AFAP1L1: variants seen among roughly 807,000 people sequenced by gnomAD.
The protein encoded by AFAP1L1 is actin filament associated protein 1 like 1.
A neutral mutation model predicts 99.8 loss-of-function variants in AFAP1L1; 77 were observed. That is an observed-to-expected ratio of 0.77 (90% CI 0.64 to 0.93). AFAP1L1 has a LOEUF of 0.93. Among genes scored for constraint, AFAP1L1 ranks in the 40% least tolerant of loss-of-function variants. The pLI, the probability that AFAP1L1 is intolerant of heterozygous loss-of-function variation, is 0.00. For missense variants in AFAP1L1, 893 were observed against 996.8 expected (o/e 0.90, Z 1.40); for synonymous variants, 373 against 395.3 (o/e 0.94, Z 0.67).
rs759445701 is a variant in AFAP1L1, at chr5:149,329,850, C to T, written c.1975+20C>T. 2 of 1,586,964 alleles carry T rather than the reference C, an allele frequency of 1.3e-6. No homozygotes were observed. Among genetic ancestry groups the T allele is most frequent in the Admixed American group, 1.8e-5 (1 of 54,968 alleles). The stretch of plus-strand genomic sequence containing the variant: ...GCCCAGGTACCTATGTGGGTGTGGT[C>T]CTGAGCACCTATGGGTGGCCAGCTC... On this transcript the variant is annotated intron_variant, in intron 16 of 18. Transcript: ENST00000296721.
At position 149,310,021 on chromosome 5, in the gene AFAP1L1, C is replaced by G; in HGVS notation, c.813C>G (p.Ile271Met). Residue 271 changes from isoleucine (I) to methionine (M), a missense_variant, in exon 8 of 19, where the codon ATC becomes ATG. Coordinates refer to ENST00000296721, the MANE Select transcript of AFAP1L1 (RefSeq NM_152406.4). ...LRLALDTCSIIYVPKDSRHKR... is the reference protein window; with the variant it reads ...LRLALDTCSIMYVPKDSRHKR... ...TGGCACTGGATACCTGCAGCATCAT[C>G]TACGTGCCCAAGGACAGCCGGCACA... 6.2e-7 allele frequency: 1 copy of G among 1,614,242 alleles called. No homozygotes were observed. Among genetic ancestry groups the G allele is most frequent in the Non-Finnish European group, 8.5e-7 (1 of 1,180,048 alleles).
intron 17 of AFAP1L1, among the ~76,000 whole-genome samples, chr5:149,334,740 CAT>C (rs1757353817): frequency 6.6e-6 from 1 of 152,014 alleles, no homozygotes. Context: ...GGTGAAACCC[CAT>C]CTCTACTAAA....
chr5:149,303,198 T>TA (rs1225292140), intron 5 of AFAP1L1, among the ~76,000 whole-genome samples: 1 of 152,162 alleles, frequency 6.6e-6, no homozygotes, highest in African/African-American at 2.4e-5. Context: ...TATACATATA[T>TA]AACATAGAAA....
Position 149,340,106 on chromosome 5 carries a change from G to C in AFAP1L1, c.*76G>C. ...GGAAGAAATGCTTTTTTCACAAGGA[G>C]ACACCAAGAGAAGACTAGGAAGTAG... On this transcript the variant is annotated 3_prime_UTR_variant, in exon 19 of 19. Coordinates refer to ENST00000296721, the MANE Select transcript of AFAP1L1 (RefSeq NM_152406.4). 1.3e-6 allele frequency: 2 copies of C among 1,566,806 alleles called. No homozygotes were observed. The highest frequency in any genetic ancestry group is 1.8e-6 in the Non-Finnish European group (2 of 1,140,928).
chr5:149,309,826 GC>G, intron 7 of AFAP1L1, 129 bp from the exon 8 acceptor site: 1 of 1,125,510 alleles, frequency 8.9e-7, no homozygotes, highest in Non-Finnish European at 1.3e-6. Context: ...CTCACACAGT[GC>G]CCATGGCTAG....
intron 1 of AFAP1L1, among the ~76,000 whole-genome samples, chr5:149,274,782 G>A (rs1428655250): frequency 2.6e-5 from 4 of 151,248 alleles, no homozygotes; most frequent in Admixed American, 6.6e-5. Context: ...GAGAGGCTGC[G>A]ACAGGAGAGG....
At chr5:149,315,438 G>A (rs1756765043) in intron 9 of AFAP1L1, among the ~76,000 whole-genome samples, 1 of 152,130 alleles carries the variant, frequency 6.6e-6, no homozygotes, top group Non-Finnish European at 1.5e-5. Context: ...AGTCTTGTCT[G>A]CTTTTGTCTG....
rs763014850 is a variant in AFAP1L1, at chr5:149,329,707, G to C, written c.1852G>C (p.Asp618His). 1.2e-6 allele frequency: 2 copies of C among 1,614,150 alleles called. No homozygotes were observed. The highest frequency in any genetic ancestry group is 1.3e-5 in the African/African-American group (1 of 75,044). The change falls in exon 16 of 19, where the codon GAT becomes CAT. Residue 618 changes from aspartate to histidine, a missense_variant. Asp to His is a moderately conservative substitution (Grantham distance 81). Coordinates refer to ENST00000296721, the MANE Select transcript of AFAP1L1 (RefSeq NM_152406.4). ...GTATGGCAAGAACCGAGCCGAGGAG[G>C]ATGCCCGGAGGTACTTGGTAGAAAA... The part of the protein sequence containing the change: ...YKYGKNRAEE[D>H]ARRYLVEKEK...
chr5:149,277,867 G>A (rs1024133091), intron 1 of AFAP1L1, among the ~76,000 whole-genome samples: 4 of 152,144 alleles, frequency 2.6e-5, no homozygotes, highest in Admixed American at 6.5e-5. Flanking sequence ...ATACGGGGCC[G>A]TATGACTTAA....
intron 1 of AFAP1L1, among the ~76,000 whole-genome samples, chr5:149,290,960 A>G (rs1033851048): frequency 6.6e-6 from 1 of 152,262 alleles, no homozygotes; most frequent in Non-Finnish European, 1.5e-5. Context: ...GGGGAAAGTG[A>G]CCATCATCAA....
intron 9 of AFAP1L1, among the ~76,000 whole-genome samples, chr5:149,314,262 C>T (rs770456406): frequency 6.6e-6 from 1 of 152,154 alleles, no homozygotes; most frequent in Non-Finnish European, 1.5e-5. Context: ...GGGAAAGCAG[C>T]GTTGACAGTG....
intron 15 of AFAP1L1, among the ~76,000 whole-genome samples, chr5:149,323,013 T>C (rs1757000390): frequency 1.3e-5 from 2 of 152,094 alleles, no homozygotes; most frequent in South Asian, 2.1e-4. Flanking sequence ...CTCCAGCAGA[T>C]GATCCCTATG....
chr5:149,314,375 G>T (rs1756734041), intron 9 of AFAP1L1, among the ~76,000 whole-genome samples: 1 of 152,176 alleles, frequency 6.6e-6, no homozygotes, highest in Non-Finnish European at 1.5e-5. Flanking sequence ...TTGCAGAGTT[G>T]AGCTTTCCTG....
intron 9 of AFAP1L1, among the ~76,000 whole-genome samples, chr5:149,312,993 G>A (rs764282413): frequency 3.3e-5 from 5 of 152,072 alleles, no homozygotes; most frequent in Non-Finnish European, 7.4e-5. Flanking sequence ...CAGGCATGGT[G>A]GCACATGCCT....
chr5:149,279,393 C>G (rs920019686), intron 1 of AFAP1L1, among the ~76,000 whole-genome samples: 1 of 152,224 alleles, frequency 6.6e-6, no homozygotes, highest in South Asian at 2.1e-4. Context: ...AAGGACTACT[C>G]TCACGTAAAA....
At chr5:149,325,597 G>C (rs1292923478) in intron 15 of AFAP1L1, among the ~76,000 whole-genome samples, 1 of 152,200 alleles carries the variant, frequency 6.6e-6, no homozygotes, top group African/African-American at 2.4e-5. Flanking sequence ...GTAGACCAGA[G>C]GTTACTGCCC....
At chr5:149,326,106 A>G (rs1757087997) in intron 15 of AFAP1L1, among the ~76,000 whole-genome samples, 1 of 152,242 alleles carries the variant, frequency 6.6e-6, no homozygotes, top group Non-Finnish European at 1.5e-5. Context: ...CCTCGAAAGA[A>G]CTGACTTTAG....
intron 9 of AFAP1L1, among the ~76,000 whole-genome samples, chr5:149,314,228 G>C (rs1245338563): frequency 6.6e-6 from 1 of 152,214 alleles, no homozygotes; most frequent in African/African-American, 2.4e-5. Context: ...TCCTCACTTA[G>C]CCTTTGCCAT....
chr5:149,312,215 C>T lies in AFAP1L1; in HGVS notation c.1020+11C>T. Reference sequence around the variant, plus strand: ...TTGGACCTGGACAAGGTATATCTGTCTCCACTAAGTCTTCCCCAGGCCAGG... The same window carrying T: ...TTGGACCTGGACAAGGTATATCTGTTTCCACTAAGTCTTCCCCAGGCCAGG... On this transcript the variant is annotated intron_variant, in intron 9 of 18. Coordinates refer to ENST00000296721, the MANE Select transcript of AFAP1L1 (RefSeq NM_152406.4). 6.2e-7 allele frequency: 1 copy of T among 1,613,306 alleles called. No individual in the cohort carries two copies. Among genetic ancestry groups the T allele is most frequent in the East Asian group, 2.2e-5 (1 of 44,888 alleles).
Sources: allele counts gnomAD v4.1 joint callset (sites outside exome capture counted in the v4.1 genomes callset), GRCh38; gene constraint gnomAD v4.1.1; transcripts MANE v1.5; gene names NCBI Gene and HGNC (gene_info 2026-07-23, HGNC 2026-07-21).